CERS6: variants seen among roughly 807,000 people sequenced by gnomAD.
The protein encoded by CERS6 is LAG1 homolog, ceramide synthase 6.
A neutral mutation model predicts 56.8 loss-of-function variants in CERS6; 26 were observed. The ratio of observed to expected loss-of-function variants is 0.46; its 90% CI spans 0.34 to 0.63. The LOEUF is 0.63. Ranked by LOEUF, CERS6 falls within the 30% of genes least tolerant of loss-of-function variation. The pLI, the probability that CERS6 is intolerant of heterozygous loss-of-function variation, is 0.01. For synonymous variants in CERS6, 164 were observed against 173.3 expected (o/e 0.95, Z 0.42); for missense variants, 415 against 467.5 (o/e 0.89, Z 1.04).
At chr2:168,590,778 A>G (rs1007967189) in intron 3 of CERS6, among the ~76,000 whole-genome samples, 1 of 152,222 alleles carries the variant, frequency 6.6e-6, no homozygotes, top group Non-Finnish European at 1.5e-5. Flanking sequence ...TACAATGCCC[A>G]TCTGTGGTAG....
chr2:168,586,212 T>TA (rs1416874128), intron 3 of CERS6, among the ~76,000 whole-genome samples: 1 of 142,810 alleles, frequency 7.0e-6, no homozygotes, highest in Non-Finnish European at 1.5e-5. Flanking sequence ...TAAGATACCT[T>TA]TAAAAAAAAA....
chr2:168,459,405 G>A (rs981910519), intron 1 of CERS6, among the ~76,000 whole-genome samples: 2 of 152,220 alleles, frequency 1.3e-5, no homozygotes, highest in Admixed American at 6.5e-5. Context: ...GATAGTGGAG[G>A]CATTGGTAGC....
intron 8 of CERS6, among the ~76,000 whole-genome samples, chr2:168,728,708 A>C (rs914655762): frequency 5.9e-5 from 9 of 152,040 alleles, no homozygotes; most frequent in African/African-American, 2.2e-4. Flanking sequence ...AATCAACAAA[A>C]AAATGCATTG....
intron 8 of CERS6, among the ~76,000 whole-genome samples, chr2:168,757,224 A>G (rs952083121): frequency 6.6e-6 from 1 of 152,160 alleles, no homozygotes; most frequent in African/African-American, 2.4e-5. Context: ...ATCAGGATAC[A>G]TCCCGAAGGA....
chr2:168,502,913 T>C (rs570908348), intron 1 of CERS6, among the ~76,000 whole-genome samples: 1 of 152,276 alleles, frequency 6.6e-6, no homozygotes, highest in African/African-American at 2.4e-5. Flanking sequence ...TAAGGGAGTC[T>C]CTTAAAAGTC....
At chr2:168,570,378 A>G (rs935792051) in intron 3 of CERS6, among the ~76,000 whole-genome samples, 1 of 152,238 alleles carries the variant, frequency 6.6e-6, no homozygotes, top group Non-Finnish European at 1.5e-5. Flanking sequence ...TCCAGAAGCC[A>G]GGACTTTTGA....
At chr2:168,682,062 A>G (rs1686231403) in intron 4 of CERS6, among the ~76,000 whole-genome samples, 1 of 152,204 alleles carries the variant, frequency 6.6e-6, no homozygotes. Flanking sequence ...GCTATTGTGA[A>G]TAGTGCTACA....
chr2:168,477,209 G>GAGA (rs1694092594), intron 1 of CERS6, among the ~76,000 whole-genome samples: 1 of 148,600 alleles, frequency 6.7e-6, no homozygotes, highest in East Asian at 2.0e-4. Flanking sequence ...GAGAGAGAGA[G>GAGA]AGAGAGAGAG....
At chr2:168,593,266 G>A (rs1386907763) in intron 3 of CERS6, among the ~76,000 whole-genome samples, 1 of 152,166 alleles carries the variant, frequency 6.6e-6, no homozygotes, top group East Asian at 1.9e-4. Flanking sequence ...AAGGTAATAT[G>A]CTTACAGGTT....
At chr2:168,677,407 C>G (rs903079029) in intron 4 of CERS6, among the ~76,000 whole-genome samples, 5 of 152,130 alleles carry the variant, frequency 3.3e-5, no homozygotes, top group African/African-American at 7.2e-5. Context: ...TTTTCTTTAT[C>G]CAGTCTAACA....
rs113979299 is a variant in CERS6, at chr2:168,587,037, G to T, written c.407+25715G>T. 4.9e-3 allele frequency among the ~76,000 whole-genome samples: 747 copies of T among 152,202 alleles called. 7 individuals are homozygous for T. The highest frequency in any genetic ancestry group is 0.016 in the African/African-American group (667 of 41,532). The stretch of plus-strand genomic sequence containing the variant: ...AATACAAAAATTAGCTGGGCATGTT[G>T]GTGTGCGCCTGTAGTCCCAGCTATG... On this transcript the variant is annotated intron_variant, in intron 3 of 9. Coordinates refer to ENST00000305747, the MANE Select transcript of CERS6 (RefSeq NM_203463.3).
intron 1 of CERS6, among the ~76,000 whole-genome samples, chr2:168,482,741 C>G (rs927271341): frequency 6.6e-6 from 1 of 152,156 alleles, no homozygotes; most frequent in Non-Finnish European, 1.5e-5. Context: ...TATTTTTAAG[C>G]CTTTTGTTTT....
intron 8 of CERS6, among the ~76,000 whole-genome samples, chr2:168,729,679 C>T (rs1265800159): frequency 1.3e-5 from 2 of 152,228 alleles, no homozygotes; most frequent in Non-Finnish European, 2.9e-5. Context: ...TTCCATGCCT[C>T]TGATGGCAGT....
At chr2:168,584,001 TA>T (rs1486738495) in intron 3 of CERS6, among the ~76,000 whole-genome samples, 1 of 152,252 alleles carries the variant, frequency 6.6e-6, no homozygotes, top group Non-Finnish European at 1.5e-5. Context: ...TCATCTTATT[TA>T]ATCCTTCCAA....
chr2:168,658,466 C>G (rs1417359800), intron 4 of CERS6, among the ~76,000 whole-genome samples: 14 of 152,204 alleles, frequency 9.2e-5, no homozygotes, highest in Non-Finnish European at 1.5e-5. Flanking sequence ...AGTCTCTGCT[C>G]TGTGCCAGGC....
intron 8 of CERS6, among the ~76,000 whole-genome samples, chr2:168,723,265 C>G (rs1377099247): frequency 1.3e-5 from 2 of 152,184 alleles, no homozygotes; most frequent in Non-Finnish European, 2.9e-5. Context: ...AAGACAGTCC[C>G]TTCCAGTTGC....
intron 6 of CERS6, among the ~76,000 whole-genome samples, chr2:168,714,725 A>G (rs1687184309): frequency 6.6e-6 from 1 of 152,140 alleles, no homozygotes; most frequent in Admixed American, 6.6e-5. Context: ...ATATGATGAC[A>G]CAGCTAGAAG....
chr2:168,769,416 G>C (rs1446747129), intron 9 of CERS6, 94 bp from the exon 10 acceptor site: 1 of 1,139,674 alleles, frequency 8.8e-7, no homozygotes, highest in Admixed American at 2.9e-5. Flanking sequence ...ATTGGGATCT[G>C]TTTCCCCTTG....
chr2:168,746,821 A>AT (rs1559078615), intron 8 of CERS6, among the ~76,000 whole-genome samples: 1,023 of 64,396 alleles, frequency 0.016, 14 homozygotes, highest in Non-Finnish European at 0.024. Flanking sequence ...ATATATATAT[A>AT]AAATCATCTT....
Sources: allele counts gnomAD v4.1 joint callset (sites outside exome capture counted in the v4.1 genomes callset), GRCh38; gene constraint gnomAD v4.1.1; transcripts MANE v1.5; gene names NCBI Gene and HGNC (gene_info 2026-07-23, HGNC 2026-07-21).